Variants in GRAMD1C observed in about 807,000 individuals in gnomAD.
GRAMD1C encodes GRAM domain containing 1C.
GRAMD1C carries 89 observed loss-of-function variants against 97.8 expected under a neutral mutation model. The observed-to-expected ratio is 0.91, with a 90% confidence interval of 0.77 to 1.09. The LOEUF is 1.09. GRAMD1C is among the 50% of genes least tolerant of loss of function. GRAMD1C has a pLI of 0.00. For missense variants in GRAMD1C, 740 were observed against 766.4 expected (o/e 0.97, Z 0.41); for synonymous variants, 256 against 267.0 (o/e 0.96, Z 0.40).
intron 9 of GRAMD1C, among the ~76,000 whole-genome samples, chr3:113,909,382 G>A (rs1365170299): frequency 6.6e-6 from 1 of 152,168 alleles, no homozygotes; most frequent in African/African-American, 2.4e-5. Context: ...AAACATATAT[G>A]CCCATTCTAT....
intron 3 of GRAMD1C, among the ~76,000 whole-genome samples, chr3:113,870,344 A>ACCCT (rs1230491196): frequency 6.6e-6 from 1 of 151,974 alleles, no homozygotes; most frequent in Non-Finnish European, 1.5e-5. Flanking sequence ...CCTGGGCAAC[A>ACCCT]GAGTGAGACC....
At position 113,900,409 on chromosome 3, in the gene GRAMD1C, A is replaced by AATTATTATTATTATTATTATTATTATT. The variant is rs146979804; in HGVS notation, c.541-621_541-595dup. 2.5e-3 allele frequency among the ~76,000 whole-genome samples: 339 copies of AATTATTATTATTATTATTATTATTATT among 137,496 alleles called. 1 individual carries two copies. Among genetic ancestry groups the AATTATTATTATTATTATTATTATTATT allele is most frequent in the South Asian group, 5.5e-3 (21 of 3,844 alleles). The allele number at this position is 137,496 out of a possible 152,430, so 90.2% of individuals were successfully genotyped here. A position where few individuals can be genotyped will look rare whatever the true frequency, so the allele number is the denominator to read the frequency against. On this transcript the variant is annotated intron_variant, in intron 6 of 17. Transcript: ENST00000358160. ...CAGTAATTACCAGAAAGTATGAACA[A>AATTATTATTATTATTATTATTATTATT]ATTATTATTATTATTATTATTATTA...
At chr3:113,840,260 C>G (rs1408415981) in intron 1 of GRAMD1C, among the ~76,000 whole-genome samples, 1 of 152,134 alleles carries the variant, frequency 6.6e-6, no homozygotes, top group Admixed American at 6.5e-5. Flanking sequence ...GCCACCACCG[C>G]GCCCGGCCCT....
At chr3:113,910,012 A>G (rs1029744902) in intron 9 of GRAMD1C, among the ~76,000 whole-genome samples, 2 of 152,170 alleles carry the variant, frequency 1.3e-5, no homozygotes, top group African/African-American at 4.8e-5. Context: ...TTTCCATTTA[A>G]TTCACTTTCA....
At chr3:113,828,640 G>A (rs1197559852) in intron 1 of GRAMD1C, among the ~76,000 whole-genome samples, 2 of 152,048 alleles carry the variant, frequency 1.3e-5, no homozygotes, top group African/African-American at 4.8e-5. Flanking sequence ...TCTTATTGGA[G>A]TCATCTATAA....
At chr3:113,933,706 T>C (rs1937522519) in intron 12 of GRAMD1C, 53 bp downstream of exon 12, 2 of 1,274,406 alleles carry the variant, frequency 1.6e-6, no homozygotes, top group South Asian at 2.7e-5. Flanking sequence ...GTCCTGGTAA[T>C]TTATTCATCC....
chr3:113,837,600 T>A (rs78504349), upstream of GRAMD1C, among the ~76,000 whole-genome samples: 1 of 152,182 alleles, frequency 6.6e-6, no homozygotes, highest in Non-Finnish European at 1.5e-5. Flanking sequence ...GAAAGCGTTA[T>A]TATTGACTGG....
At chr3:113,856,191 A>G (rs1454241821) in intron 2 of GRAMD1C, among the ~76,000 whole-genome samples, 1 of 152,006 alleles carries the variant, frequency 6.6e-6, no homozygotes, top group Non-Finnish European at 1.5e-5. Flanking sequence ...CCCAGCTGGA[A>G]TTTAACACAT....
chr3:113,828,469 G>A (rs1043853335), intron 1 of GRAMD1C, among the ~76,000 whole-genome samples: 2 of 152,296 alleles, frequency 1.3e-5, no homozygotes, highest in Middle Eastern at 3.4e-3. Flanking sequence ...CTAAGGTTTT[G>A]GGTGATTTGT....
chr3:113,897,462 TA>T, intron 6 of GRAMD1C: 1 of 911,742 alleles, frequency 1.1e-6, no homozygotes, highest in Non-Finnish European at 1.3e-6. Context: ...AGGAGTGGCT[TA>T]GGAACCTGTA....
chr3:113,838,575 C>CA (rs35846590), upstream of GRAMD1C: 6,597 of 175,774 alleles, frequency 0.038, no homozygotes, highest in Middle Eastern at 0.066. Context: ...AACTCCGTCT[C>CA]AAAAAAAAAA....
chr3:113,877,244 G>C (rs1935083647), intron 5 of GRAMD1C, among the ~76,000 whole-genome samples: 1 of 152,160 alleles, frequency 6.6e-6, no homozygotes, highest in Non-Finnish European at 1.5e-5. Flanking sequence ...TTCTCACCTT[G>C]ATCCTCCATC....
intron 2 of GRAMD1C, among the ~76,000 whole-genome samples, chr3:113,847,943 A>G (rs1366957946): frequency 6.6e-6 from 1 of 152,256 alleles, no homozygotes; most frequent in Non-Finnish European, 1.5e-5. Context: ...TTTCACTGGA[A>G]TACCCAAGGA....
At chr3:113,828,765 T>A (rs1709520408) in intron 1 of GRAMD1C, among the ~76,000 whole-genome samples, 1 of 152,188 alleles carries the variant, frequency 6.6e-6, no homozygotes, top group Non-Finnish European at 1.5e-5. Context: ...AGGTTATACT[T>A]TCAATTCCTG....
At chr3:113,904,490 G>A (rs760134662) in intron 8 of GRAMD1C, among the ~76,000 whole-genome samples, 1 of 152,170 alleles carries the variant, frequency 6.6e-6, no homozygotes, top group Non-Finnish European at 1.5e-5. Context: ...CTACCGAGCA[G>A]TTTTACCTGG....
rs1424952390 is a variant in GRAMD1C at position 113,885,551 on chromosome 3, C to T, written c.540+2719C>T. 35 of 1,592,882 alleles carry T rather than the reference C, an allele frequency of 2.2e-5. No homozygotes were observed. In the Admixed American group the frequency reaches 5.0e-4, roughly 23 times the overall value. On this transcript the variant is annotated intron_variant, in intron 6 of 17. Transcript: ENST00000358160. ...CATGATGGGGTCCTGAGGCCGCAGT[C>T]CGGCCTGTTAGGCCTCCTGACTTCA...
intron 6 of GRAMD1C, among the ~76,000 whole-genome samples, chr3:113,900,020 G>A (rs771492965): frequency 4.6e-5 from 7 of 152,044 alleles, no homozygotes; most frequent in Admixed American, 1.3e-4. Flanking sequence ...AGGGCTGAAC[G>A]GTGATTCAGT....
chr3:113,892,069 GTTTTA>G (rs1282290940), intron 6 of GRAMD1C, among the ~76,000 whole-genome samples: 6 of 151,906 alleles, frequency 3.9e-5, no homozygotes, highest in Admixed American at 3.9e-4. Context: ...GTGTGCATTT[GTTTTA>G]TTTATTTTTC....
intron 2 of GRAMD1C, among the ~76,000 whole-genome samples, chr3:113,856,551 T>C (rs1455621774): frequency 6.6e-6 from 1 of 151,952 alleles, no homozygotes; most frequent in Admixed American, 6.6e-5. Flanking sequence ...ATGTATTTAT[T>C]TATTTAGAGA....
Sources: allele counts gnomAD v4.1 joint callset (sites outside exome capture counted in the v4.1 genomes callset), GRCh38; gene constraint gnomAD v4.1.1; transcripts MANE v1.5; gene names NCBI Gene and HGNC (gene_info 2026-07-23, HGNC 2026-07-21).